Variants in INTS9 observed in about 807,000 individuals in gnomAD.
The protein encoded by INTS9 is protein related to CPSF subunits of 74 kDa.
INTS9 carries 55 observed loss-of-function variants against 79.7 expected under a neutral mutation model. The observed-to-expected ratio is 0.69, with a 90% confidence interval of 0.56 to 0.86. INTS9 has a LOEUF of 0.86. Among genes scored for constraint, INTS9 ranks in the 40% least tolerant of loss-of-function variants. The pLI is 0.00. For synonymous variants in INTS9, 319 were observed against 325.2 expected (o/e 0.98, Z 0.20); for missense variants, 721 against 831.5 (o/e 0.87, Z 1.64).
intron 6 of INTS9, among the ~76,000 whole-genome samples, chr8:28,827,722 T>G (rs1302451867): frequency 6.6e-6 from 1 of 152,218 alleles, no homozygotes; most frequent in Non-Finnish European, 1.5e-5. Flanking sequence ...AAATGGCAAT[T>G]GCTTAGGCTA....
chr8:28,768,396 G>C (rs1310738102), intron 16 of INTS9, 74 bp from the exon 17 acceptor site: 1 of 1,403,146 alleles, frequency 7.1e-7, no homozygotes, highest in East Asian at 2.3e-5. Context: ...ACACTTCACA[G>C]ACTCGACTGA....
intron 4 of INTS9, among the ~76,000 whole-genome samples, 166 bp downstream of exon 4, chr8:28,846,581 A>AGCTG (rs1807527216): frequency 6.6e-6 from 1 of 152,224 alleles, no homozygotes; most frequent in Non-Finnish European, 1.5e-5. Flanking sequence ...CAATATAAAA[A>AGCTG]GCTGCTAAAT....
intron 1 of INTS9, among the ~76,000 whole-genome samples, chr8:28,871,274 G>A (rs1286840601): frequency 6.6e-6 from 1 of 152,120 alleles, no homozygotes; most frequent in Non-Finnish European, 1.5e-5. Flanking sequence ...ACTTACTGGA[G>A]GAACTAGTTA....
At chr8:28,780,053 G>GTTT (rs66631307) in intron 12 of INTS9, among the ~76,000 whole-genome samples, 8 of 137,114 alleles carry the variant, frequency 5.8e-5, no homozygotes, top group East Asian at 2.1e-4. Context: ...TCAAATCAAG[G>GTTT]TTTTTTTTTT....
At chr8:28,846,896 C>T in intron 3 of INTS9, 87 bp from the exon 4 acceptor site, 1 of 982,154 alleles carries the variant, frequency 1.0e-6, no homozygotes, top group Non-Finnish European at 1.6e-6. Flanking sequence ...CAAAACTTTT[C>T]ATGAAGAATC....
intron 1 of INTS9, among the ~76,000 whole-genome samples, chr8:28,864,761 A>G: frequency 6.6e-6 from 1 of 152,198 alleles, no homozygotes; most frequent in South Asian, 2.1e-4. Flanking sequence ...CAAAGCTTCA[A>G]CTTGGCCAGA....
At chr8:28,779,320 C>G (rs571158330) in intron 12 of INTS9, among the ~76,000 whole-genome samples, 3 of 152,148 alleles carry the variant, frequency 2.0e-5, no homozygotes, top group Non-Finnish European at 4.4e-5. Flanking sequence ...TCCTGGTGAC[C>G]GGGGCCTCTC....
At chr8:28,870,027 G>A (rs988186655) in intron 1 of INTS9, among the ~76,000 whole-genome samples, 9 of 152,216 alleles carry the variant, frequency 5.9e-5, no homozygotes, top group African/African-American at 2.2e-4. Flanking sequence ...CATTAAGGGC[G>A]AGGGAAGGAA....
intron 4 of INTS9, among the ~76,000 whole-genome samples, chr8:28,838,814 G>A (rs534689690): frequency 2.0e-5 from 3 of 152,128 alleles, no homozygotes; most frequent in East Asian, 1.9e-4. Context: ...CACCAAGCCC[G>A]GTCTGTCTGT....
Position 28,771,257 on chromosome 8 carries a change from C to G in INTS9, c.1564-177G>C, listed in dbSNP as rs535634430. The G allele has an allele frequency of 5.0e-5, 33 of 660,174 alleles. No individual in the cohort carries two copies. The African/African-American group carries it at 5.5e-4, about 11-fold the overall frequency. The allele number at this position is 660,174 out of a possible 1,614,324, so 40.9% of individuals were successfully genotyped here. ...CGCCCAGGTGACACACCAAGTGCAG[C>G]CTTTCATTCATTCTGGCCTTTACTT... On this transcript the variant is annotated intron_variant, in intron 14 of 16. Coordinates refer to ENST00000521022, the MANE Select transcript of INTS9 (RefSeq NM_018250.4).
At chr8:28,783,038 G>A (rs1176268280) in intron 11 of INTS9, among the ~76,000 whole-genome samples, 1 of 151,422 alleles carries the variant, frequency 6.6e-6, no homozygotes, top group Admixed American at 6.6e-5. Context: ...TCCGTTACTC[G>A]GGAGGCTGAG....
chr8:28,768,886 C>T (rs941024835), intron 16 of INTS9, among the ~76,000 whole-genome samples: 1 of 152,230 alleles, frequency 6.6e-6, no homozygotes, highest in African/African-American at 2.4e-5. Flanking sequence ...GCCACCTGTA[C>T]TTCATGGCTG....
chr8:28,780,908 GGTGAA>G lies in INTS9; in HGVS notation c.1180_1184del (p.Phe394ArgfsTer21). The G allele has an allele frequency of 6.2e-7, 1 of 1,614,018 alleles. No homozygotes were observed. The highest frequency in any genetic ancestry group is 8.5e-7 in the Non-Finnish European group (1 of 1,179,906). ...CCCCGAAGCGGAGGGAAGGGTGCCC[GGTGAA>G]CACCACACAGGGCTGTCTAAAGTCG... On this transcript the variant is annotated frameshift_variant, in exon 12 of 17. Transcript: ENST00000521022. LOFTEE classifies it high-confidence loss of function.
chr8:28,808,258 A>G (rs1804923429), intron 8 of INTS9, among the ~76,000 whole-genome samples: 2 of 147,274 alleles, frequency 1.4e-5, no homozygotes. Flanking sequence ...TAATAGTGCG[A>G]TCTCGGCTCA....
intron 1 of INTS9, among the ~76,000 whole-genome samples, chr8:28,870,261 T>C (rs957386045): frequency 2.0e-5 from 3 of 149,994 alleles, no homozygotes; most frequent in Non-Finnish European, 3.0e-5. Context: ...ACTGGAACTC[T>C]CACTTTCTAC....
At chr8:28,879,998 T>C (rs1338193105) in intron 1 of INTS9, among the ~76,000 whole-genome samples, 1 of 152,110 alleles carries the variant, frequency 6.6e-6, no homozygotes, top group Non-Finnish European at 1.5e-5. Flanking sequence ...AGTCATTGAA[T>C]TTTGTTTTAT....
At chr8:28,817,512 A>G (rs1432781937) in intron 6 of INTS9, among the ~76,000 whole-genome samples, 1 of 152,158 alleles carries the variant, frequency 6.6e-6, no homozygotes, top group Non-Finnish European at 1.5e-5. Flanking sequence ...CCATTGATCT[A>G]TATCTCTGTT....
intron 14 of INTS9, among the ~76,000 whole-genome samples, chr8:28,772,351 CA>C (rs1218923477): frequency 6.6e-6 from 1 of 151,908 alleles, no homozygotes; most frequent in Non-Finnish European, 1.5e-5. Flanking sequence ...CCATCTCTAC[CA>C]AAAATACAAA....
chr8:28,883,071 G>T (rs1809983834), intron 1 of INTS9, among the ~76,000 whole-genome samples: 1 of 151,986 alleles, frequency 6.6e-6, no homozygotes, highest in Non-Finnish European at 1.5e-5. Flanking sequence ...CCCTTTCTTA[G>T]CCCTGCCTGA....
Sources: gnomAD v4.1 joint callset for allele counts (sites outside exome capture counted in the v4.1 genomes callset) on GRCh38, gnomAD v4.1.1 for gene constraint, MANE v1.5 for transcripts, NCBI Gene and HGNC (gene_info 2026-07-23, HGNC 2026-07-21) for gene names.